RBM20: variants seen among roughly 807,000 people sequenced by gnomAD.
RBM20 encodes the protein RNA-binding protein 20.
RBM20 carries 51 observed loss-of-function variants against 110.1 expected under a neutral mutation model. The ratio of observed to expected loss-of-function variants is 0.46; its 90% CI spans 0.37 to 0.59. The LOEUF is 0.59. Among genes scored for constraint, RBM20 ranks in the 20% least tolerant of loss-of-function variants. RBM20 has a pLI of 0.00. For synonymous variants in RBM20, 589 were observed against 618.2 expected (o/e 0.95, Z 0.70); for missense variants, 1,512 against 1,574.9 (o/e 0.96, Z 0.68).
chr10:110,823,731 C>A, intron 12 of RBM20, 117 bp downstream of exon 12: 2 of 1,138,906 alleles, frequency 1.8e-6, no homozygotes, highest in South Asian at 1.4e-5. Flanking sequence ...GTTTTTTGTT[C>A]TTTTGAGACA....
intron 7 of RBM20, among the ~76,000 whole-genome samples, chr10:110,803,812 C>CAAAAAAA (rs58202648): frequency 8.7e-5 from 5 of 57,164 alleles, no homozygotes; most frequent in African/African-American, 1.4e-4. Flanking sequence ...TTGGCTTAAG[C>CAAAAAAA]AAAAAAAAAA....
intron 1 of RBM20, among the ~76,000 whole-genome samples, chr10:110,775,962 A>G (rs1374036479): frequency 6.6e-6 from 1 of 152,152 alleles, no homozygotes; most frequent in Admixed American, 6.5e-5. Flanking sequence ...CTTTATTCTC[A>G]AGCAGGCTGT....
At chr10:110,645,287 G>A (rs1387352120) in intron 1 of RBM20, among the ~76,000 whole-genome samples, 1 of 152,162 alleles carries the variant, frequency 6.6e-6, no homozygotes, top group Non-Finnish European at 1.5e-5. Flanking sequence ...GTTGGGGGTG[G>A]TTAATAAGCC....
At chr10:110,831,402 C>A in intron 13 of RBM20, 1 of 480,964 alleles carries the variant, frequency 2.1e-6, no homozygotes, top group Non-Finnish European at 3.7e-6. Context: ...CTAATCTTCC[C>A]ATAGACTTGA....
chr10:110,675,497 G>T (rs1270463917), intron 1 of RBM20, among the ~76,000 whole-genome samples: 1 of 152,126 alleles, frequency 6.6e-6, no homozygotes, highest in African/African-American at 2.4e-5. Context: ...CAATTGTTAT[G>T]TCCACTTTAT....
chr10:110,719,539 G>A lies in RBM20; in HGVS notation c.192-61262G>A, dbSNP rs576442305. Among the ~76,000 whole-genome samples the A allele has an allele frequency of 2.2e-4, 33 of 151,906 alleles. No homozygotes were observed. In the South Asian group the frequency reaches 5.0e-3, roughly 23 times the overall value. On this transcript the variant is annotated intron_variant, in intron 1 of 13. Transcript: ENST00000369519. ...TTTATTTTGTTTTTGTTTTTGTCTCGCGGGTATATGTATGTATAGTTTTAG... is the reference window on the plus strand; with the variant it reads ...TTTATTTTGTTTTTGTTTTTGTCTCACGGGTATATGTATGTATAGTTTTAG...
rs760753361 is a variant in RBM20, at chr10:110,739,930, G to C, written c.192-40871G>C. On this transcript the variant is annotated intron_variant, in intron 1 of 13. Coordinates refer to ENST00000369519, the MANE Select transcript of RBM20 (RefSeq NM_001134363.3). The surrounding 1 kb of genome is among the most constrained non-coding windows in gnomAD (Gnocchi z 4.1). ...CGTCTGGGTCCTCCTGCCCTCACTG[G>C]GTGTTCCCAGCCCCACTATACTGTC... is the stretch of plus-strand genomic sequence containing the variant. Among the ~76,000 whole-genome samples the C allele has an allele frequency of 6.6e-6, 1 of 152,204 alleles. No homozygotes were observed. The highest frequency in any genetic ancestry group is 2.4e-5 in the African/African-American group (1 of 41,452).
intron 5 of RBM20, among the ~76,000 whole-genome samples, chr10:110,795,129 C>T (rs948439171): frequency 6.6e-6 from 1 of 152,250 alleles, no homozygotes; most frequent in African/African-American, 2.4e-5. Flanking sequence ...AGCACCTAGC[C>T]TCAGCCGTCC....
At chr10:110,771,313 G>A (rs1844186017) in intron 1 of RBM20, among the ~76,000 whole-genome samples, 1 of 152,030 alleles carries the variant, frequency 6.6e-6, no homozygotes. Context: ...TTTTTTAGTA[G>A]AGACCAGGTT....
chr10:110,646,187 C>T (rs1861865256), intron 1 of RBM20, among the ~76,000 whole-genome samples: 1 of 152,182 alleles, frequency 6.6e-6, no homozygotes, highest in South Asian at 2.1e-4. Flanking sequence ...AATTACCCTG[C>T]ACTTTTCTAT....
chr10:110,736,991 G>A (rs1237776493), intron 1 of RBM20, among the ~76,000 whole-genome samples: 1 of 151,294 alleles, frequency 6.6e-6, no homozygotes, highest in Non-Finnish European at 1.5e-5. Flanking sequence ...CCTGGCCAAC[G>A]TGGTGAAACC....
Position 110,821,285 on chromosome 10 carries a change from G to T in RBM20, c.2666G>T (p.Trp889Leu). 1 of 1,551,120 alleles carries T rather than the reference G, an allele frequency of 6.4e-7. No homozygotes were observed. The highest frequency in any genetic ancestry group is 8.7e-7 in the Non-Finnish European group (1 of 1,146,542). Reference sequence around the variant, plus strand: ...TGCATTTTTGTACAGGAACAAGATTGGGAGAGTGAAAGTGAGGCAGAGGGG... The same window carrying T: ...TGCATTTTTGTACAGGAACAAGATTTGGAGAGTGAAAGTGAGGCAGAGGGG... Reference protein sequence around the residue: ...ENTRTKKEQDWESESEAEGES... With the variant: ...ENTRTKKEQDLESESEAEGES... The change falls in exon 11 of 14, where the codon TGG becomes TTG. Residue 889 changes from tryptophan (W) to leucine (L), a missense_variant. Physicochemically the swap from Trp to Leu is moderately conservative, Grantham distance 61. Coordinates refer to ENST00000369519, the MANE Select transcript of RBM20 (RefSeq NM_001134363.3).
intron 1 of RBM20, among the ~76,000 whole-genome samples, chr10:110,711,636 T>C (rs186646544): frequency 6.6e-6 from 1 of 152,328 alleles, no homozygotes; most frequent in African/African-American, 2.4e-5. Flanking sequence ...ATGGGGTAGT[T>C]ATGTAAAAAA....
At chr10:110,769,393 A>G (rs1426194462) in intron 1 of RBM20, among the ~76,000 whole-genome samples, 3 of 152,168 alleles carry the variant, frequency 2.0e-5, no homozygotes, top group African/African-American at 7.2e-5. Flanking sequence ...TGTTCTCTGT[A>G]CTAGTGAACT....
chr10:110,681,659 A>G (rs544364712), intron 1 of RBM20, among the ~76,000 whole-genome samples: 14 of 152,316 alleles, frequency 9.2e-5, no homozygotes, highest in African/African-American at 2.9e-4. Context: ...TTTTTATTTT[A>G]AAATGATTTT....
upstream of RBM20, among the ~76,000 whole-genome samples, chr10:110,644,033 G>A (rs905489891): frequency 1.3e-4 from 20 of 152,206 alleles, no homozygotes; most frequent in Admixed American, 2.0e-4. The surrounding 1 kb of genome is among the most constrained non-coding windows in gnomAD (Gnocchi z 4.3). Context: ...ACCGCGGGCT[G>A]CGTGTGTCGC....
rs560701749 is a variant in RBM20 at position 110,834,848 on chromosome 10, T to C, written c.3574-1020T>C. Among the ~76,000 whole-genome samples, 21 of 152,334 alleles carry C rather than the reference T, an allele frequency of 1.4e-4. No homozygotes were observed. In the East Asian group the frequency reaches 4.0e-3, roughly 29 times the overall value. On this transcript the variant is annotated intron_variant, in intron 13 of 13. Transcript: ENST00000369519. ...AGCTGGGGCCTCAAACCTGTCCCAG[T>C]CTGCCTCACTGTGTTGACTCCAGAT...
intron 1 of RBM20, among the ~76,000 whole-genome samples, chr10:110,766,801 C>T (rs1408187739): frequency 8.6e-5 from 13 of 150,362 alleles, no homozygotes; most frequent in African/African-American, 3.0e-4. Context: ...TCCACAAAAC[C>T]GCCATTGTCA....
chr10:110,786,362 T>C (rs1221085731), intron 5 of RBM20, among the ~76,000 whole-genome samples: 5 of 152,242 alleles, frequency 3.3e-5, no homozygotes, highest in Non-Finnish European at 5.9e-5. Flanking sequence ...CGTGTTGGCA[T>C]TGCAAAGCAT....
Sources: gnomAD v4.1 joint callset for allele counts (sites outside exome capture counted in the v4.1 genomes callset) on GRCh38, gnomAD v4.1.1 for gene constraint, Gnocchi (gnomAD v3.1) non-coding constraint, MANE v1.5 for transcripts, NCBI Gene and HGNC (gene_info 2026-07-23, HGNC 2026-07-21) for gene names.